The following E2F8 variants were observed in gnomAD, a reference collection of about 807,000 sequenced individuals.
The protein encoded by E2F8 is E2F transcription factor 8, also known as transcription factor E2F8.
In E2F8, 35 loss-of-function variants were observed where a neutral mutation model predicts 80.8. The observed-to-expected ratio is 0.43, with a 90% confidence interval of 0.33 to 0.57. The LOEUF (loss-of-function observed/expected upper bound fraction) is 0.57, where lower values mean the gene tolerates loss of function less well. Among genes scored for constraint, E2F8 ranks in the 20% least tolerant of loss-of-function variants. E2F8 has a pLI of 0.04. For synonymous variants in E2F8, 386 were observed against 395.0 expected (o/e 0.98, Z 0.27); for missense variants, 975 against 1,056.2 (o/e 0.92, Z 1.07).
At chr11:19,231,808 T>C (rs1289299175) in intron 7 of E2F8, among the ~76,000 whole-genome samples, 1 of 152,244 alleles carries the variant, frequency 6.6e-6, no homozygotes, top group Non-Finnish European at 1.5e-5. Flanking sequence ...GGTTAGCTGA[T>C]GGAGCCAGTA....
chr11:19,225,465 A>T lies in E2F8; in HGVS notation c.2177T>A (p.Ile726Asn), dbSNP rs773275634. ...TACAATGGCTGAGCTTGGGTTCTGG[A>T]TGGGAACAGGGTGGCTTGAAGCGAG... is the stretch of plus-strand genomic sequence containing the variant. ...PALASSHPVP[I>N]QNPSSAIVNF... The change falls in exon 12 of 13, where the codon ATC becomes AAC. Residue 726 changes from isoleucine to asparagine, a missense_variant. Transcript: ENST00000250024. The T allele has an allele frequency of 3.1e-6, 5 of 1,614,098 alleles. No homozygotes were observed. Among genetic ancestry groups the T allele is most frequent in the African/African-American group, 1.3e-5 (1 of 74,926 alleles).
rs73416784 is a variant in E2F8, at chr11:19,238,070, G to A, written c.78C>T (p.Thr26=). 5,754 of 1,614,080 alleles carry A rather than the reference G, an allele frequency of 3.6e-3. 177 individuals carry two copies. In the African/African-American group the frequency reaches 0.067, roughly 19 times the overall value. Residue 26 remains threonine, a synonymous_variant, in exon 3 of 13, where the codon ACC becomes ACT. Transcript: ENST00000250024. ...GLMKTPLKES[T]TANIVLAEIQ... ...TCTCTGCCAACACGATATTTGCTGT[G>A]GTGGATTCTTTCAGAGGTGTTTTCA...
At chr11:19,231,916 T>C (rs148119250) in intron 7 of E2F8, among the ~76,000 whole-genome samples, 1 of 152,228 alleles carries the variant, frequency 6.6e-6, no homozygotes, top group East Asian at 1.9e-4. Context: ...AGGGAAAATA[T>C]CTCCCAATGT....
chr11:19,234,145 TAAAAAAAAAA>T (rs967973962), intron 6 of E2F8, among the ~76,000 whole-genome samples: 1 of 92,568 alleles, frequency 1.1e-5, no homozygotes, highest in African/African-American at 4.4e-5. Context: ...AGACTCCGTC[TAAAAAAAAAA>T]AAAAAAAAAA....
rs754995545 is a variant in E2F8 at position 19,230,380 on chromosome 11, T to C, written c.1271-52A>G. ...CCGGTCAAAGCTAAAGAACAAATGT[T>C]CACACAGATGAAACCTCACTGAAGT... On this transcript the variant is annotated intron_variant, in intron 8 of 12. Transcript: ENST00000250024. 3.2e-6 allele frequency: 5 copies of C among 1,559,512 alleles called. No individual in the cohort carries two copies. In the East Asian group the frequency reaches 6.7e-5, roughly 21 times the overall value.
rs377235278 is a variant in E2F8, at chr11:19,236,803, G to T, written c.451+511C>A. Reference sequence around the variant, plus strand: ...CCTTTTTAGCTCCAAATAGATTCAGGTCTTTGAACAGAGTAAAAAGGGGCA... The same window carrying T: ...CCTTTTTAGCTCCAAATAGATTCAGTTCTTTGAACAGAGTAAAAAGGGGCA... On this transcript the variant is annotated intron_variant, in intron 4 of 12. Coordinates refer to ENST00000250024, the MANE Select transcript of E2F8 (RefSeq NM_024680.4). Among the ~76,000 whole-genome samples, 7 of 152,282 alleles carry T rather than the reference G, an allele frequency of 4.6e-5. No homozygotes were observed. The East Asian group carries it at 1.2e-3, about 25-fold the overall frequency.
At chr11:19,232,151 G>A in intron 7 of E2F8, 83 bp downstream of exon 7, 1 of 1,553,306 alleles carries the variant, frequency 6.4e-7, no homozygotes, top group South Asian at 1.2e-5. Flanking sequence ...CACAGGGAGG[G>A]GAACAACACA....
Position 19,234,803 on chromosome 11 carries a change from C to A in E2F8, c.707G>T (p.Gly236Val). ...IEDHIIKSNT[G>V]PNGHPDMCFV... is the part of the protein sequence containing the mutation. ...ACACATGTCTGGGTGTCCATTTGGG[C>A]CAGTGTTTGATTTGATGATATGATC... The change falls in exon 5 of 13, where the codon GGC becomes GTC. Residue 236 changes from glycine to valine, a missense_variant. Gly to Val is a moderately radical substitution (Grantham distance 109). Coordinates refer to ENST00000250024, the MANE Select transcript of E2F8 (RefSeq NM_024680.4). The A allele has an allele frequency of 6.2e-7, 1 of 1,614,160 alleles. No homozygotes were observed. Among genetic ancestry groups the A allele is most frequent in the Non-Finnish European group, 8.5e-7 (1 of 1,180,020 alleles).
rs1851215771 is a variant in E2F8 at position 19,225,583 on chromosome 11, C to T, written c.2059G>A (p.Ala687Thr). The change falls in exon 12 of 13, where the codon GCT (alanine) becomes ACT (threonine). Residue 687 changes from alanine (A) to threonine (T), a missense_variant. Physicochemically the swap from Ala to Thr is moderately conservative, Grantham distance 58. Coordinates refer to ENST00000250024, the MANE Select transcript of E2F8 (RefSeq NM_024680.4). ...ACATGAAAAGAGGGAAAATTAACAG[C>T]AGTGAGTTCAGATGATGTCACTGGA... ...VIPVTSSELT[A>T]VNFPSFHVTP... is the part of the protein sequence containing the mutation. The T allele has an allele frequency of 7.4e-6, 12 of 1,614,044 alleles. No individual in the cohort carries two copies. Among genetic ancestry groups the T allele is most frequent in the Non-Finnish European group, 1.0e-5 (12 of 1,180,026 alleles).
chr11:19,233,510 CAG>C (rs773459137), intron 6 of E2F8, among the ~76,000 whole-genome samples: 5 of 151,980 alleles, frequency 3.3e-5, no homozygotes, highest in Admixed American at 2.0e-4. Flanking sequence ...TTTTTTGAGA[CAG>C]AGTCTTGCTC....
rs774572526 is a variant in E2F8 at position 19,237,422 on chromosome 11, C to T, written c.343G>A (p.Glu115Lys). ...EFEKSQPSRKEKSLGLLCHKF... is the reference protein window; with the variant it reads ...EFEKSQPSRKKKSLGLLCHKF... ...TGACACAATAATCCTAAACTTTTCT[C>T]TTTTCGACTTGGTTGGGATTTCTCA... Residue 115 changes from glutamate (E) to lysine (K), a missense_variant, in exon 4 of 13, where the codon GAG becomes AAG. Physicochemically the swap from Glu to Lys is moderately conservative, Grantham distance 56 (BLOSUM62 1). Transcript: ENST00000250024. 6.2e-7 allele frequency: 1 copy of T among 1,614,136 alleles called. No individual in the cohort carries two copies. Among genetic ancestry groups the T allele is most frequent in the Non-Finnish European group, 8.5e-7 (1 of 1,179,994 alleles).
intron 6 of E2F8, among the ~76,000 whole-genome samples, chr11:19,233,819 C>T (rs1324476635): frequency 6.6e-6 from 1 of 151,738 alleles, no homozygotes; most frequent in Non-Finnish European, 1.5e-5. Context: ...GTTACAATAT[C>T]AAATGAAGCA....
chr11:19,240,211 G>GGAC lies in E2F8; in HGVS notation c.-91_-90insGTC. ...GATGGTTCAAGTAGTCCAATCAATT[G>GGAC]TACTAAAAGTTTTAATATCCTTAAA... On this transcript the variant is annotated 5_prime_UTR_variant, in exon 2 of 13. Coordinates refer to ENST00000250024, the MANE Select transcript of E2F8 (RefSeq NM_024680.4). The GGAC allele has an allele frequency of 2.5e-6, 2 of 800,072 alleles. No homozygotes were observed. Among genetic ancestry groups the GGAC allele is most frequent in the Non-Finnish European group, 3.7e-6 (2 of 536,692 alleles). 49.6% of individuals were successfully genotyped at this position (800,072 alleles called of 1,614,324 possible).
chr11:19,230,248 G>T lies in E2F8; in HGVS notation c.1351C>A (p.Gln451Lys). Residue 451 changes from glutamine (Q) to lysine (K), a missense_variant, in exon 9 of 13, where the codon CAA (glutamine) becomes AAA (lysine). Transcript: ENST00000250024. Reference protein sequence around the residue: ...AAICKMQLEEQSSESRQKVKV... With the variant: ...AAICKMQLEEKSSESRQKVKV... ...AGAGGATTGCCAACCTACCTTGATTGCTCTTCTAACTGCATTTTACAAATA... is the reference window on the plus strand; with the variant it reads ...AGAGGATTGCCAACCTACCTTGATTTCTCTTCTAACTGCATTTTACAAATA... The T allele has an allele frequency of 3.1e-6, 5 of 1,612,700 alleles. No homozygotes were observed. The highest frequency in any genetic ancestry group is 4.2e-6 in the Non-Finnish European group (5 of 1,179,700).
chr11:19,240,070 T>C, intron 2 of E2F8, 37 bp downstream of exon 2: 1 of 1,480,540 alleles, frequency 6.8e-7, no homozygotes, highest in Non-Finnish European at 9.1e-7. Context: ...ATACTGAATT[T>C]AAAATTGCAA....
At chr11:19,225,185 T>C in intron 12 of E2F8, 36 bp downstream of exon 12, 1 of 1,589,422 alleles carries the variant, frequency 6.3e-7, no homozygotes, top group Non-Finnish European at 8.6e-7. Flanking sequence ...GCTTAGTAAT[T>C]CCAGGAAAAA....
intron 6 of E2F8, 45 bp from the exon 7 acceptor site, chr11:19,232,416 A>G: frequency 6.5e-7 from 1 of 1,530,158 alleles, no homozygotes; most frequent in Non-Finnish European, 8.9e-7. Context: ...TAATGAAAAG[A>G]TCAAAGAATT....
chr11:19,224,951 C>T (rs1459311091), intron 12 of E2F8, 111 bp from the exon 13 acceptor site: 34 of 1,331,536 alleles, frequency 2.6e-5, no homozygotes, highest in African/African-American at 4.4e-5. Flanking sequence ...GGGAAACTGG[C>T]GTATCTTGAA....
At chr11:19,232,506 T>A in intron 6 of E2F8, 135 bp from the exon 7 acceptor site, 1 of 668,294 alleles carries the variant, frequency 1.5e-6, no homozygotes, top group Non-Finnish European at 2.4e-6. Flanking sequence ...TGCCTCCTTT[T>A]AAGTTCTTCT....
Sources: allele counts gnomAD v4.1 joint callset (sites outside exome capture counted in the v4.1 genomes callset), GRCh38; gene constraint gnomAD v4.1.1; transcripts MANE v1.5; gene names NCBI Gene and HGNC (gene_info 2026-07-23, HGNC 2026-07-21).